The following ZNF462 variants were observed in gnomAD, a reference collection of about 807,000 sequenced individuals.
ZNF462 encodes zinc finger PBX1-interacting protein.
ZNF462 carries 10 observed loss-of-function variants against 201.9 expected under a neutral mutation model. The observed-to-expected ratio is 0.05, with a 90% confidence interval of 0.03 to 0.08. The LOEUF is 0.08. Ranked by LOEUF, ZNF462 falls within the 10% of genes least tolerant of loss-of-function variation. The pLI is 1.00. For synonymous variants in ZNF462, 1,227 were observed against 1,193.3 expected (o/e 1.03, Z -0.58); for missense variants, 2,523 against 3,168.3 (o/e 0.80, Z 4.89).
At chr9:106,922,365 T>G (rs1246862661) in intron 1 of ZNF462, among the ~76,000 whole-genome samples, 3 of 152,202 alleles carry the variant, frequency 2.0e-5, no homozygotes, top group Non-Finnish European at 4.4e-5. Flanking sequence ...TGAGTTAGTG[T>G]GTAGCTTTCT....
chr9:106,901,770 C>G (rs1829074321), intron 1 of ZNF462, among the ~76,000 whole-genome samples: 1 of 152,128 alleles, frequency 6.6e-6, no homozygotes, highest in Non-Finnish European at 1.5e-5. Flanking sequence ...AATGCTGTAT[C>G]TAGAAACTTT....
chr9:107,005,592 C>T lies in ZNF462; in HGVS notation c.7189+2166C>T, dbSNP rs891326077. Among the ~76,000 whole-genome samples, 1 of 152,136 alleles carries T rather than the reference C, an allele frequency of 6.6e-6. No individual in the cohort carries two copies. Among genetic ancestry groups the T allele is most frequent in the African/African-American group, 2.4e-5 (1 of 41,448 alleles). On this transcript the variant is annotated intron_variant, in intron 11 of 12. Transcript: ENST00000277225. This position sits in a 1 kb window ranked among gnomAD's most constrained non-coding sequence, Gnocchi z 4.4. The stretch of plus-strand genomic sequence containing the variant: ...TACAGCATGGGTATTAATTCCTTAT[C>T]AGATGTATGGTTTGCAAATATTTTC...
chr9:106,866,390 T>G (rs1827331170), intron 1 of ZNF462, among the ~76,000 whole-genome samples: 1 of 152,206 alleles, frequency 6.6e-6, no homozygotes, highest in African/African-American at 2.4e-5. Context: ...CAACATCACA[T>G]TTTTCAAACC....
At chr9:106,991,839 T>TACACACACACACACACACACACAC (rs200978759) in intron 10 of ZNF462, among the ~76,000 whole-genome samples, 1 of 136,260 alleles carries the variant, frequency 7.3e-6, no homozygotes, top group African/African-American at 2.8e-5. Flanking sequence ...CAGCACTCTC[T>TACACACACACACACACACACACAC]ACACACACAC....
chr9:106,924,493 C>T lies in ZNF462; in HGVS notation c.581C>T (p.Ala194Val). 2 of 1,614,126 alleles carry T rather than the reference C, an allele frequency of 1.2e-6. No homozygotes were observed. Among genetic ancestry groups the T allele is most frequent in the East Asian group, 2.2e-5 (1 of 44,886 alleles). The change falls in exon 3 of 13, where the codon GCT becomes GTT. Residue 194 changes from alanine to valine, a missense_variant. This residue lies in a region of ZNF462 where 480 missense variants were observed against 544.4 expected (regional missense o/e 0.88). Coordinates refer to ENST00000277225, the MANE Select transcript of ZNF462 (RefSeq NM_021224.6). The surrounding 1 kb of genome is among the most constrained non-coding windows in gnomAD (Gnocchi z 6.2). ...AAAAACAATTTGAAGGAGACCACTGCTCCCCCACCTGCTCCTGCTCCAATG... is the reference window on the plus strand; with the variant it reads ...AAAAACAATTTGAAGGAGACCACTGTTCCCCCACCTGCTCCTGCTCCAATG... Reference protein sequence around the residue: ...YHKNNLKETTAPPPAPAPMPD... With the variant: ...YHKNNLKETTVPPPAPAPMPD...
intron 11 of ZNF462, among the ~76,000 whole-genome samples, chr9:107,007,204 C>T (rs1258085344): frequency 6.6e-6 from 1 of 152,058 alleles, no homozygotes; most frequent in Non-Finnish European, 1.5e-5. Context: ...ATTATAAAGG[C>T]AAAATACCCT....
intron 1 of ZNF462, among the ~76,000 whole-genome samples, chr9:106,869,771 G>A (rs1377109761): frequency 6.6e-6 from 1 of 152,188 alleles, no homozygotes; most frequent in Non-Finnish European, 1.5e-5. Context: ...AAAAAGTTTG[G>A]GTTGGGAGGG....
At chr9:106,942,087 G>C (rs898501814) in intron 7 of ZNF462, among the ~76,000 whole-genome samples, 1 of 152,186 alleles carries the variant, frequency 6.6e-6, no homozygotes. Flanking sequence ...TTGCAGGCCT[G>C]GGGGGAGTCA....
At position 106,872,787 on chromosome 9, in the gene ZNF462, C is replaced by T. The variant is rs1223614053; in HGVS notation, c.-31+9432C>T. Among the ~76,000 whole-genome samples, 1 of 152,068 alleles carries T rather than the reference C, an allele frequency of 6.6e-6. No homozygotes were observed. Among genetic ancestry groups the T allele is most frequent in the African/African-American group, 2.4e-5 (1 of 41,400 alleles). On this transcript the variant is annotated intron_variant, in intron 1 of 12. Transcript: ENST00000277225. This position sits in a 1 kb window ranked among gnomAD's most constrained non-coding sequence, Gnocchi z 4.5. Reference sequence around the variant, plus strand: ...GAACAATAGAAAATAAATATGATTGCTTCATCAAAAAAATCTGCCAACTCT... The same window carrying T: ...GAACAATAGAAAATAAATATGATTGTTTCATCAAAAAAATCTGCCAACTCT...
chr9:106,929,686 A>G lies in ZNF462; in HGVS notation c.5774A>G (p.Gln1925Arg). The G allele has an allele frequency of 6.2e-7, 1 of 1,614,180 alleles. No homozygotes were observed. The highest frequency in any genetic ancestry group is 8.5e-7 in the Non-Finnish European group (1 of 1,180,044). Residue 1925 changes from glutamine to arginine, a missense_variant, in exon 3 of 13, where the codon CAG becomes CGG. Gln to Arg is a conservative substitution (Grantham distance 43). Coordinates refer to ENST00000277225, the MANE Select transcript of ZNF462 (RefSeq NM_021224.6). The surrounding 1 kb of genome is among the most constrained non-coding windows in gnomAD (Gnocchi z 8.7). ...GAATTCCAGAAGCGTGCCAAACGTC[A>G]GGAGAGGAGGAAACAGCTTTTGAGC... The part of the protein sequence containing the change: ...NEEFQKRAKR[Q>R]ERRKQLLSKQ...
At chr9:106,860,549 G>C (rs767807801), upstream of ZNF462, among the ~76,000 whole-genome samples, 1 of 152,142 alleles carries the variant, frequency 6.6e-6, no homozygotes, top group Admixed American at 6.5e-5. The surrounding 1 kb of genome is among the most constrained non-coding windows in gnomAD (Gnocchi z 7.1). Context: ...AGCCAACCCA[G>C]AAGGTACCTT....
chr9:106,941,265 C>G (rs1830857645), intron 7 of ZNF462, among the ~76,000 whole-genome samples: 1 of 152,268 alleles, frequency 6.6e-6, no homozygotes, highest in Non-Finnish European at 1.5e-5. Context: ...TAGTATTTTT[C>G]TGGCCCTCCG....
At chr9:106,864,039 G>GCTCGCGCTCT (rs1827179488) in intron 1 of ZNF462, among the ~76,000 whole-genome samples, 13 of 22,760 alleles carry the variant, frequency 5.7e-4, no homozygotes, top group Admixed American at 1.7e-3. Flanking sequence ...CAGGTATTTG[G>GCTCGCGCTCT]CTCTCTCTCT....
intron 4 of ZNF462, among the ~76,000 whole-genome samples, chr9:106,931,462 C>G (rs1397757937): frequency 1.3e-5 from 2 of 152,196 alleles, no homozygotes; most frequent in African/African-American, 4.8e-5. Flanking sequence ...GTCATCTGCC[C>G]TTCTTGAGCT....
intron 10 of ZNF462, among the ~76,000 whole-genome samples, chr9:106,988,374 A>G (rs1296112201): frequency 6.6e-6 from 1 of 152,142 alleles, no homozygotes; most frequent in Non-Finnish European, 1.5e-5. Flanking sequence ...ACGTGATTCA[A>G]TTATCTCCCA....
intron 5 of ZNF462, among the ~76,000 whole-genome samples, chr9:106,934,899 G>A (rs533971777): frequency 3.3e-5 from 5 of 152,224 alleles, no homozygotes; most frequent in East Asian, 1.9e-4. Flanking sequence ...AGGGATGTGC[G>A]GCCTTTTGAC....
rs1226207998 is a variant in ZNF462 at position 106,977,990 on chromosome 9, C to T, written c.6832+3717C>T. ...CTTCCTAGCTTCTGACAGCTCCCAG[C>T]GTTCCTTGACGCTACTTGGCTTATA... On this transcript the variant is annotated intron_variant, in intron 9 of 12. Coordinates refer to ENST00000277225, the MANE Select transcript of ZNF462 (RefSeq NM_021224.6). This position sits in a 1 kb window ranked among gnomAD's most constrained non-coding sequence, Gnocchi z 4.6. 1.3e-5 allele frequency among the ~76,000 whole-genome samples: 2 copies of T among 151,554 alleles called. No homozygotes were observed. The highest frequency in any genetic ancestry group is 2.9e-5 in the Non-Finnish European group (2 of 68,044).
intron 1 of ZNF462, among the ~76,000 whole-genome samples, chr9:106,892,601 C>T (rs893452403): frequency 3.9e-5 from 6 of 152,044 alleles, no homozygotes; most frequent in Non-Finnish European, 7.4e-5. Flanking sequence ...TGCATCAAGT[C>T]AGTTTCTGGT....
At position 106,905,048 on chromosome 9, in the gene ZNF462, AG is replaced by A. The variant is rs1375501839; in HGVS notation, c.-30-18304del. On this transcript the variant is annotated intron_variant, in intron 1 of 12. Coordinates refer to ENST00000277225, the MANE Select transcript of ZNF462 (RefSeq NM_021224.6). The surrounding 1 kb of genome is among the most constrained non-coding windows in gnomAD (Gnocchi z 5.9). ...TTTTCTGGTTTCTTCTCATTTGGGT[AG>A]GCTCTGTCAGAGGGAAGGTCTATGG... Among the ~76,000 whole-genome samples the A allele has an allele frequency of 6.6e-6, 1 of 152,070 alleles. No homozygotes were observed. Among genetic ancestry groups the A allele is most frequent in the African/African-American group, 2.4e-5 (1 of 41,382 alleles).
Sources: gnomAD v4.1 joint callset for allele counts (sites outside exome capture counted in the v4.1 genomes callset) on GRCh38, gnomAD v4.1.1 for gene constraint, gnomAD v4.1.1 regional missense constraint, Gnocchi (gnomAD v3.1) non-coding constraint, MANE v1.5 for transcripts, NCBI Gene and HGNC (gene_info 2026-07-23, HGNC 2026-07-21) for gene names.